ST18: variants seen among roughly 807,000 people sequenced by gnomAD.
ST18 encodes the protein suppression of tumorigenicity 18 protein.
ST18 carries 50 observed loss-of-function variants against 110.0 expected under a neutral mutation model. That is an observed-to-expected ratio of 0.45 (90% CI 0.36 to 0.58). ST18 has a LOEUF of 0.58. Ranked by LOEUF, ST18 falls within the 20% of genes least tolerant of loss-of-function variation. ST18 has a pLI of 0.00. For missense variants in ST18, 1,306 were observed against 1,280.1 expected (o/e 1.02, Z -0.31); for synonymous variants, 461 against 452.4 (o/e 1.02, Z -0.24).
At chr8:52,371,204 G>A (rs965747219) in intron 2 of ST18, among the ~76,000 whole-genome samples, 4 of 152,146 alleles carry the variant, frequency 2.6e-5, no homozygotes, top group African/African-American at 9.7e-5. Context: ...TGTGCTGCTC[G>A]ACTCTTAGCT....
chr8:52,303,343 T>C (rs1466155723), intron 2 of ST18, among the ~76,000 whole-genome samples: 1 of 152,266 alleles, frequency 6.6e-6, no homozygotes, highest in Non-Finnish European at 1.5e-5. Flanking sequence ...CGTCCCTTTA[T>C]GTTTGTGTTT....
intron 10 of ST18, among the ~76,000 whole-genome samples, chr8:52,168,293 G>A (rs538470222): frequency 2.7e-5 from 4 of 150,188 alleles, no homozygotes; most frequent in African/African-American, 4.9e-5. Flanking sequence ...GGTCCTGCCC[G>A]AGAAGATGCT....
chr8:52,252,759 G>GTA (rs774383804), intron 2 of ST18, among the ~76,000 whole-genome samples: 90 of 152,016 alleles, frequency 5.9e-4, no homozygotes, highest in Admixed American at 1.8e-3. Context: ...ATCTAATATT[G>GTA]TAGTAAGCCA....
intron 2 of ST18, among the ~76,000 whole-genome samples, chr8:52,267,395 A>G (rs1030825971): frequency 3.3e-5 from 5 of 150,820 alleles, no homozygotes; most frequent in Non-Finnish European, 7.4e-5. Flanking sequence ...AATAAATTGG[A>G]ATGTTGGAAA....
chr8:52,218,571 T>C (rs2085334659), intron 5 of ST18, among the ~76,000 whole-genome samples: 1 of 148,320 alleles, frequency 6.7e-6, no homozygotes. Context: ...TTTTTTTTTT[T>C]TTTTTTTTAG....
chr8:52,182,373 A>G (rs919254072), intron 8 of ST18, among the ~76,000 whole-genome samples: 2 of 152,220 alleles, frequency 1.3e-5, no homozygotes, highest in African/African-American at 4.8e-5. Flanking sequence ...ACTATCCCCA[A>G]TAGCCAAGAT....
chr8:52,126,243 T>C lies in ST18; in HGVS notation c.2667-103A>G, dbSNP rs889943265. ...TACTATTTGTGTTTTTGCTGCCGAT[T>C]AATTACATTATAACCCACAGTCTCT... On this transcript the variant is annotated intron_variant, in intron 22 of 25. Transcript: ENST00000689386. The C allele has an allele frequency of 3.6e-6, 4 of 1,100,378 alleles. No individual in the cohort carries two copies. The Admixed American group carries it at 8.5e-5, about 23-fold the overall frequency. The allele number at this position is 1,100,378 out of a possible 1,614,324, so 68.2% of individuals were successfully genotyped here.
chr8:52,163,435 A>G (rs1033357840), intron 13 of ST18, among the ~76,000 whole-genome samples: 23 of 152,338 alleles, frequency 1.5e-4, no homozygotes, highest in Middle Eastern at 3.4e-3. Flanking sequence ...ATTTAGATAT[A>G]AAATCTTCCA....
chr8:52,169,883 C>T lies in ST18; in HGVS notation c.1069+1909G>A, dbSNP rs573488342. ...GGATATACCGCTGAGTCATCCAGCC[C>T]TAGTAGGAATTCGGTAAGCCTCCAA... is the stretch of plus-strand genomic sequence containing the variant. On this transcript the variant is annotated intron_variant, in intron 10 of 25. Coordinates refer to ENST00000689386, the MANE Select transcript of ST18 (RefSeq NM_001352837.2). Among the ~76,000 whole-genome samples the T allele has an allele frequency of 4.6e-5, 7 of 152,206 alleles. No individual in the cohort carries two copies. The East Asian group carries it at 9.7e-4, about 21-fold the overall frequency.
chr8:52,330,416 T>A (rs1808704097), intron 2 of ST18, among the ~76,000 whole-genome samples: 2 of 152,214 alleles, frequency 1.3e-5, no homozygotes, highest in African/African-American at 4.8e-5. Flanking sequence ...TGTAGGCCAA[T>A]ACACCTCTTT....
chr8:52,323,458 AG>A lies in ST18; in HGVS notation c.-465+85869del, dbSNP rs33921806. Among the ~76,000 whole-genome samples the A allele has an allele frequency of 6.8e-3, 1,029 of 152,340 alleles. 12 individuals are homozygous for A. The highest frequency in any genetic ancestry group is 0.024 in the African/African-American group (979 of 41,582). On this transcript the variant is annotated intron_variant, in intron 2 of 25. Transcript: ENST00000689386. ...GCATTTCTGGTTTATTGTGGTGTCC[AG>A]CGTGCTGGGATGTAAACCTCAAATA...
At chr8:52,144,861 G>GA (rs1394884689) in intron 16 of ST18, among the ~76,000 whole-genome samples, 8 of 152,026 alleles carry the variant, frequency 5.3e-5, no homozygotes, top group Non-Finnish European at 1.0e-4. Context: ...TGGCTAAAAT[G>GA]AAAAAATTCC....
At chr8:52,395,437 C>G (rs1375627834) in intron 2 of ST18, among the ~76,000 whole-genome samples, 1 of 152,148 alleles carries the variant, frequency 6.6e-6, no homozygotes, top group Non-Finnish European at 1.5e-5. Context: ...GAGAAGTTAG[C>G]ATTTCCGTCA....
intron 2 of ST18, among the ~76,000 whole-genome samples, chr8:52,274,970 C>T (rs1390790726): frequency 6.6e-6 from 1 of 152,108 alleles, no homozygotes. Flanking sequence ...TTATCTTAAG[C>T]CAAGTCAAAA....
intron 2 of ST18, among the ~76,000 whole-genome samples, chr8:52,315,875 C>A (rs1277394040): frequency 6.6e-6 from 1 of 152,112 alleles, no homozygotes; most frequent in Non-Finnish European, 1.5e-5. Flanking sequence ...TCAAGTCAAA[C>A]AAGAAAAAAG....
chr8:52,300,595 G>A (rs2095704736), intron 2 of ST18, among the ~76,000 whole-genome samples: 1 of 151,964 alleles, frequency 6.6e-6, no homozygotes, highest in Non-Finnish European at 1.5e-5. Context: ...GATTTAAAAT[G>A]GTTTTTACAT....
At chr8:52,207,039 G>T (rs2080330269) in intron 8 of ST18, among the ~76,000 whole-genome samples, 1 of 151,890 alleles carries the variant, frequency 6.6e-6, no homozygotes, top group South Asian at 2.1e-4. Context: ...GACCACTAAA[G>T]GAAACTGAAT....
Position 52,320,229 on chromosome 8 carries a change from A to G in ST18, c.-465+89099T>C, listed in dbSNP as rs183835004. Among the ~76,000 whole-genome samples, 495 of 152,352 alleles carry G rather than the reference A, an allele frequency of 3.2e-3. 2 individuals carry two copies. Among genetic ancestry groups the G allele is most frequent in the African/African-American group, 0.011 (469 of 41,584 alleles). ...AAACAAGAAAGAATTACATATATGT[A>G]TATATGTGTGTATATATTTTTGTAT... On this transcript the variant is annotated intron_variant, in intron 2 of 25. Transcript: ENST00000689386.
intron 2 of ST18, among the ~76,000 whole-genome samples, chr8:52,362,556 A>C (rs1332412479): frequency 6.6e-6 from 1 of 152,198 alleles, no homozygotes; most frequent in Non-Finnish European, 1.5e-5. Flanking sequence ...AAATGAGCTA[A>C]TTAACACTTA....
Sources: gnomAD v4.1 joint callset for allele counts (sites outside exome capture counted in the v4.1 genomes callset) on GRCh38, gnomAD v4.1.1 for gene constraint, MANE v1.5 for transcripts, NCBI Gene and HGNC (gene_info 2026-07-23, HGNC 2026-07-21) for gene names.